PTPRN2: variants seen among roughly 807,000 people sequenced by gnomAD.
PTPRN2 encodes protein tyrosine phosphatase receptor type N2, also known as receptor-type tyrosine-protein phosphatase N2.
A neutral mutation model predicts 118.8 loss-of-function variants in PTPRN2; 74 were observed. The observed-to-expected ratio is 0.62, with a 90% CI of 0.52 to 0.76. PTPRN2 has a LOEUF of 0.76. Ranked by LOEUF, PTPRN2 falls within the 30% of genes least tolerant of loss-of-function variation. The pLI is 0.00. For missense variants in PTPRN2, 1,481 were observed against 1,394.4 expected, an observed-to-expected ratio of 1.06 and a Z score of -0.99; for synonymous variants, 641 against 608.0, an observed-to-expected ratio of 1.05 and a Z score of -0.80.
intron 8 of PTPRN2, among the ~76,000 whole-genome samples, chr7:158,135,624 C>A (rs971011957): frequency 1.3e-5 from 2 of 152,172 alleles, no homozygotes; most frequent in African/African-American, 2.4e-5. Flanking sequence ...CGGCAGCCCC[C>A]CAGAGCGCTC....
rs928381385 is a variant in PTPRN2, at chr7:158,525,618, T to C, written c.113-35833A>G. ...GATGGAGTATTAATAGTGCCGTGTT[T>C]AATTATTATTCAGCATAATCACACA... On this transcript the variant is annotated intron_variant, in intron 1 of 22. Coordinates refer to ENST00000389418, the MANE Select transcript of PTPRN2 (RefSeq NM_002847.5). This position sits in a 1 kb window ranked among gnomAD's most constrained non-coding sequence, Gnocchi z 4.1. Among the ~76,000 whole-genome samples the C allele has an allele frequency of 2.6e-5, 4 of 152,230 alleles. No homozygotes were observed. The highest frequency in any genetic ancestry group is 4.4e-5 in the Non-Finnish European group (3 of 68,040).
intron 5 of PTPRN2, among the ~76,000 whole-genome samples, chr7:158,183,215 T>C (rs375697121): frequency 2.4e-4 from 37 of 152,340 alleles, no homozygotes; most frequent in East Asian, 2.1e-3. Flanking sequence ...ATAGCAGATA[T>C]TTGGTTTGTG....
chr7:158,320,171 ACACACACAGCCTCCCTCG>A (rs1802881019), intron 2 of PTPRN2, among the ~76,000 whole-genome samples: 2 of 129,494 alleles, frequency 1.5e-5, no homozygotes, highest in Non-Finnish European at 3.2e-5. Flanking sequence ...CCTCCCTCGT[ACACACACAGCCTCCCTCG>A]TACACACACA....
At position 157,881,579 on chromosome 7, in the gene PTPRN2, A is replaced by T. The variant is rs1016155219; in HGVS notation, c.1788+17094T>A. The stretch of plus-strand genomic sequence containing the variant: ...ATGGTCAACATGGCAACACCCCCTC[A>T]GTACACCCTAGACATCTGAGGCCAA... On this transcript the variant is annotated intron_variant, in intron 12 of 22. Coordinates refer to ENST00000389418, the MANE Select transcript of PTPRN2 (RefSeq NM_002847.5). The surrounding 1 kb of genome is among the most constrained non-coding windows in gnomAD (Gnocchi z 4.7). Among the ~76,000 whole-genome samples the T allele has an allele frequency of 6.6e-6, 1 of 152,180 alleles. No individual in the cohort carries two copies. Among genetic ancestry groups the T allele is most frequent in the Admixed American group, 6.5e-5 (1 of 15,278 alleles).
chr7:158,369,219 C>A (rs1809763442), intron 2 of PTPRN2, among the ~76,000 whole-genome samples: 1 of 149,490 alleles, frequency 6.7e-6, no homozygotes. Flanking sequence ...ACCTTGTGAT[C>A]ATGTGAGTTA....
intron 2 of PTPRN2, among the ~76,000 whole-genome samples, chr7:158,487,400 C>T (rs1035008724): frequency 6.6e-6 from 1 of 152,222 alleles, no homozygotes; most frequent in African/African-American, 2.4e-5. Context: ...CAGCAGCGCA[C>T]AAGTGTTCAA....
intron 2 of PTPRN2, among the ~76,000 whole-genome samples, chr7:158,384,551 C>T (rs1008663145): frequency 1.3e-5 from 2 of 152,142 alleles, no homozygotes; most frequent in Non-Finnish European, 2.9e-5. Context: ...GAAGAAGGCG[C>T]TTCAACAGGC....
intron 1 of PTPRN2, among the ~76,000 whole-genome samples, chr7:158,508,945 A>G (rs113253535): frequency 0.03 from 3,993 of 134,776 alleles, 357 homozygotes; most frequent in African/African-American, 0.12. Context: ...TGTGGGTGTC[A>G]GGGCAACGTG....
At chr7:158,559,688 C>T (rs1447265384) in intron 1 of PTPRN2, among the ~76,000 whole-genome samples, 1 of 152,154 alleles carries the variant, frequency 6.6e-6, no homozygotes, top group Non-Finnish European at 1.5e-5. Flanking sequence ...CTGCCACTCC[C>T]TCTCACAGAA....
intron 12 of PTPRN2, among the ~76,000 whole-genome samples, chr7:157,761,071 A>G (rs552150130): frequency 4.3e-4 from 65 of 151,284 alleles, no homozygotes; most frequent in African/African-American, 1.6e-3. Context: ...AAGGAGAACT[A>G]CAAACCACTG....
In PTPRN2 at chr7:158,340,074, G is replaced by A. The variant is rs1168980630; in HGVS notation, c.164-23142C>T. On this transcript the variant is annotated intron_variant, in intron 2 of 22. Coordinates refer to ENST00000389418, the MANE Select transcript of PTPRN2 (RefSeq NM_002847.5). ...TCACACCCACACTGTCACCATAAGA[G>A]GTGACACCTGCAGACGTCACTCACA... Among the ~76,000 whole-genome samples the A allele has an allele frequency of 4.6e-3, 307 of 66,200 alleles. 9 individuals are homozygous for A. The highest frequency in any genetic ancestry group is 0.017 in the African/African-American group (292 of 16,866). The allele number at this position is 66,200 out of a possible 152,430, so 43.4% of individuals were successfully genotyped here. A position where few individuals can be genotyped will look rare whatever the true frequency, so the allele number is the denominator to read the frequency against.
chr7:158,102,683 T>G (rs1815327314), intron 10 of PTPRN2, among the ~76,000 whole-genome samples: 1 of 152,058 alleles, frequency 6.6e-6, no homozygotes, highest in African/African-American at 2.4e-5. Context: ...TTGCGGGTGT[T>G]GGAGGGATGA....
rs1035393517 is a variant in PTPRN2 at position 157,690,183 on chromosome 7, C to T, written c.1789-7246G>A. 6.6e-6 allele frequency among the ~76,000 whole-genome samples: 1 copy of T among 152,306 alleles called. No individual in the cohort carries two copies. The highest frequency in any genetic ancestry group is 2.1e-4 in the South Asian group (1 of 4,828). ...GCGCTGGGCCAGGACAGCTGCCAAC[C>T]CTCCAAATCTGTGCGCTCAGAAGGA... On this transcript the variant is annotated intron_variant, in intron 12 of 22. Coordinates refer to ENST00000389418, the MANE Select transcript of PTPRN2 (RefSeq NM_002847.5). The surrounding 1 kb of genome is among the most constrained non-coding windows in gnomAD (Gnocchi z 7.1).
chr7:157,556,895 T>C (rs1345221360), intron 21 of PTPRN2, among the ~76,000 whole-genome samples: 6 of 149,960 alleles, frequency 4.0e-5, no homozygotes, highest in African/African-American at 1.2e-4. Context: ...GTCATACATA[T>C]GCATGCACAC....
At chr7:157,836,208 T>C (rs1455359458) in intron 12 of PTPRN2, among the ~76,000 whole-genome samples, 2 of 152,222 alleles carry the variant, frequency 1.3e-5, no homozygotes, top group East Asian at 3.8e-4. Flanking sequence ...CCCTAAATAA[T>C]TGCATGCACT....
chr7:158,522,746 G>A (rs889742917), intron 1 of PTPRN2, among the ~76,000 whole-genome samples: 1 of 152,204 alleles, frequency 6.6e-6, no homozygotes, highest in Non-Finnish European at 1.5e-5. Flanking sequence ...GGCACAGTCT[G>A]CAGGGCTCAG....
chr7:157,608,444 A>C (rs1802133090), intron 15 of PTPRN2, among the ~76,000 whole-genome samples: 1 of 152,198 alleles, frequency 6.6e-6, no homozygotes, highest in Non-Finnish European at 1.5e-5. Context: ...GGGAGGGCCA[A>C]GGGACGCTGC....
At chr7:157,798,154 G>C (rs1420724954) in intron 12 of PTPRN2, among the ~76,000 whole-genome samples, 2 of 152,262 alleles carry the variant, frequency 1.3e-5, no homozygotes, top group Admixed American at 6.5e-5. Flanking sequence ...AGCTGCTCGG[G>C]AGACTGAGGC....
chr7:157,620,658 C>T (rs1355644268), intron 15 of PTPRN2, among the ~76,000 whole-genome samples: 1 of 152,196 alleles, frequency 6.6e-6, no homozygotes, highest in Admixed American at 6.5e-5. Flanking sequence ...AACAATAGAG[C>T]TGATGCTCAC....
Sources: allele counts gnomAD v4.1 joint callset (sites outside exome capture counted in the v4.1 genomes callset), GRCh38; gene constraint gnomAD v4.1.1; non-coding constraint Gnocchi (gnomAD v3.1); transcripts MANE v1.5; gene names NCBI Gene and HGNC (gene_info 2026-07-23, HGNC 2026-07-21).